NPLOC4: variants seen among roughly 807,000 people sequenced by gnomAD.
NPLOC4 encodes nuclear protein localization protein 4 homolog.
NPLOC4 carries 18 observed loss-of-function variants against 80.6 expected under a neutral mutation model. The ratio of observed to expected loss-of-function variants is 0.22; its 90% confidence interval spans 0.15 to 0.33. NPLOC4 has a LOEUF of 0.33. NPLOC4 is among the 10% of genes least tolerant of loss of function. The pLI is 1.00. For synonymous variants in NPLOC4, 313 were observed against 301.5 expected (o/e 1.04, Z -0.39); for missense variants, 540 against 786.1 (o/e 0.69, Z 3.74).
intron 13 of NPLOC4, among the ~76,000 whole-genome samples, chr17:81,570,148 C>A (rs1173822916): frequency 6.6e-6 from 1 of 152,238 alleles, no homozygotes; most frequent in Non-Finnish European, 1.5e-5. Context: ...CCACCAGCAG[C>A]ATCTCTGGCC....
At chr17:81,631,461 T>TCCC (rs1568171171) in intron 1 of NPLOC4, among the ~76,000 whole-genome samples, 1 of 45,784 alleles carries the variant, frequency 2.2e-5, no homozygotes, top group African/African-American at 1.0e-4. Flanking sequence ...TTTTTTTTTT[T>TCCC]TCCCCCACGG....
chr17:81,624,591 C>T (rs1186791581), intron 2 of NPLOC4, among the ~76,000 whole-genome samples: 3 of 151,950 alleles, frequency 2.0e-5, no homozygotes, highest in African/African-American at 7.3e-5. Flanking sequence ...GAACAAGACT[C>T]CACCTCAAAA....
chr17:81,569,120 G>A lies in NPLOC4; in HGVS notation c.1354-9C>T. On this transcript the variant is annotated splice_polypyrimidine_tract_variant and intron_variant, in intron 13 of 16. Transcript: ENST00000331134. ...GGGAAAGTTGTTGTGATCTAATGAA[G>A]AAAAACACAAACCCATGATAAATGA... is the stretch of plus-strand genomic sequence containing the variant. The A allele has an allele frequency of 6.3e-7, 1 of 1,578,184 alleles. No individual in the cohort carries two copies. Among genetic ancestry groups the A allele is most frequent in the Non-Finnish European group, 8.7e-7 (1 of 1,147,810 alleles).
intron 7 of NPLOC4, among the ~76,000 whole-genome samples, chr17:81,605,092 C>A (rs2035166393): frequency 6.6e-6 from 1 of 151,664 alleles, no homozygotes; most frequent in South Asian, 2.1e-4. Flanking sequence ...AATCCCGTCT[C>A]TATTTTTTTT....
chr17:81,615,291 G>A (rs2035450933), intron 3 of NPLOC4, among the ~76,000 whole-genome samples: 1 of 151,734 alleles, frequency 6.6e-6, no homozygotes, highest in African/African-American at 2.4e-5. Flanking sequence ...ATAGAGACGG[G>A]GTTTCTCCAT....
chr17:81,632,343 G>C (rs2035954862), intron 1 of NPLOC4, among the ~76,000 whole-genome samples: 1 of 137,172 alleles, frequency 7.3e-6, no homozygotes, highest in South Asian at 2.3e-4. Context: ...TTTTTTTTCA[G>C]CTCTTGTTGC....
At chr17:81,625,160 G>A (rs1411970163) in intron 2 of NPLOC4, among the ~76,000 whole-genome samples, 2 of 152,174 alleles carry the variant, frequency 1.3e-5, no homozygotes, top group African/African-American at 4.8e-5. Flanking sequence ...GGGCAGGAAT[G>A]GAATGAGAGA....
intron 16 of NPLOC4, chr17:81,562,579 T>C (rs909217231): frequency 1.6e-4 from 24 of 151,808 alleles, no homozygotes; most frequent in African/African-American, 5.8e-4. Flanking sequence ...ATGCCCAACA[T>C]CACTAATCAT....
chr17:81,603,306 A>G (rs1038121282), intron 8 of NPLOC4, among the ~76,000 whole-genome samples: 3 of 152,194 alleles, frequency 2.0e-5, no homozygotes, highest in Admixed American at 1.3e-4. Context: ...ACTTTTAAAA[A>G]TATTTCTGGC....
At chr17:81,619,565 A>G (rs956668869) in intron 3 of NPLOC4, among the ~76,000 whole-genome samples, 7 of 149,578 alleles carry the variant, frequency 4.7e-5, no homozygotes, top group African/African-American at 4.9e-5. Context: ...AAAAAAAAAA[A>G]AAAGAAAGAA....
In NPLOC4 at chr17:81,629,823, T is replaced by G. The variant is rs768200721; in HGVS notation, c.16-18A>C. The G allele has an allele frequency of 1.3e-6, 2 of 1,572,682 alleles. No homozygotes were observed. On this transcript the variant is annotated intron_variant, in intron 1 of 16. Transcript: ENST00000331134. ...CGAATTATCTGTTGCAAACAAAACA[T>G]GATGGTTACTGCACAGCCTAGTGAG...
Position 81,622,147 on chromosome 17 carries a change from C to CGAGG in NPLOC4, c.209+18_209+19insCCTC, listed in dbSNP as rs1440458856. The CGAGG allele has an allele frequency of 6.3e-7, 1 of 1,575,558 alleles. No individual in the cohort carries two copies. On this transcript the variant is annotated intron_variant, in intron 3 of 16. Coordinates refer to ENST00000331134, the MANE Select transcript of NPLOC4 (RefSeq NM_017921.4). ...CTCATTTCCCCCCATTCCCTGCTTC[C>CGAGG]TCCTCAGAGGACACTTACTTGATTT... is the stretch of plus-strand genomic sequence containing the variant.
chr17:81,635,744 G>A (rs567153930), intron 1 of NPLOC4, among the ~76,000 whole-genome samples: 3 of 152,248 alleles, frequency 2.0e-5, no homozygotes, highest in Non-Finnish European at 2.9e-5. Flanking sequence ...CAAAACTGCA[G>A]AGACTGTCAC....
rs1191125026 is a variant in NPLOC4 at position 81,631,457 on chromosome 17, TTTTTTC to T, written c.16-1658_16-1653del. The stretch of plus-strand genomic sequence containing the variant: ...ATATATTTTTTTTTTTTTTTTTTTT[TTTTTTC>T]CCCCACGGCAAGCCTAAAAAGGTTG... On this transcript the variant is annotated intron_variant, in intron 1 of 16. Coordinates refer to ENST00000331134, the MANE Select transcript of NPLOC4 (RefSeq NM_017921.4). Among the ~76,000 whole-genome samples the T allele has an allele frequency of 5.7e-4, 38 of 66,150 alleles. 2 individuals are homozygous for T. Among genetic ancestry groups the T allele is most frequent in the Middle Eastern group, 7.2e-3 (1 of 138 alleles). 43.4% of individuals were successfully genotyped at this position (66,150 alleles called of 152,430 possible). A position where few individuals can be genotyped will look rare whatever the true frequency, so the allele number is the denominator to read the frequency against.
At chr17:81,587,745 T>C (rs1311183159) in intron 12 of NPLOC4, among the ~76,000 whole-genome samples, 1 of 137,998 alleles carries the variant, frequency 7.2e-6, no homozygotes, top group African/African-American at 2.7e-5. Context: ...ACGATCTTAA[T>C]GCAAGCTCCG....
rs71367067 is a variant in NPLOC4, at chr17:81,591,447, GAAAAAAAAAAA to G, written c.1121-2354_1121-2344del. On this transcript the variant is annotated intron_variant, in intron 11 of 16. Coordinates refer to ENST00000331134, the MANE Select transcript of NPLOC4 (RefSeq NM_017921.4). ...AAGACTCCATCTCTGGAGTAAAACA[GAAAAAAAAAAA>G]AAAAAAAAAAAAAACCTGCTCTGGT... Among the ~76,000 whole-genome samples, 128 of 76,332 alleles carry G rather than the reference GAAAAAAAAAAA, an allele frequency of 1.7e-3. 1 individual carries two copies. Among genetic ancestry groups the G allele is most frequent in the Non-Finnish European group, 2.7e-3 (114 of 41,750 alleles). The allele number at this position is 76,332 out of a possible 152,430, so 50.1% of individuals were successfully genotyped here.
chr17:81,579,812 T>G (rs1209105254), intron 12 of NPLOC4, among the ~76,000 whole-genome samples: 1 of 152,092 alleles, frequency 6.6e-6, no homozygotes, highest in African/African-American at 2.4e-5. Flanking sequence ...GTGACTGTCC[T>G]TTGCTCTCCC....
chr17:81,574,900 C>A (rs950797573), intron 12 of NPLOC4, among the ~76,000 whole-genome samples: 1 of 150,102 alleles, frequency 6.7e-6, no homozygotes, highest in Non-Finnish European at 1.5e-5. Context: ...CACACACACA[C>A]AAACACAAAA....
intron 1 of NPLOC4, among the ~76,000 whole-genome samples, chr17:81,631,439 T>G (rs1362200207): frequency 7.0e-5 from 4 of 57,224 alleles, no homozygotes; most frequent in African/African-American, 3.4e-4. Flanking sequence ...TATATATATT[T>G]TTTTTTTTTT....
Sources: gnomAD v4.1 joint callset for allele counts (sites outside exome capture counted in the v4.1 genomes callset) on GRCh38, gnomAD v4.1.1 for gene constraint, MANE v1.5 for transcripts, NCBI Gene and HGNC (gene_info 2026-07-23, HGNC 2026-07-21) for gene names.